Variants in MACROD2 observed in about 807,000 individuals in gnomAD.
MACROD2 encodes ADP-ribose glycohydrolase MACROD2.
MACROD2 carries 36 observed loss-of-function variants against 70.4 expected under a neutral mutation model. The ratio of observed to expected loss-of-function variants is 0.51; its 90% CI spans 0.39 to 0.68. The LOEUF is 0.68. Among genes scored for constraint, MACROD2 ranks in the 30% least tolerant of loss-of-function variants. The pLI is 0.00. For missense variants in MACROD2, 496 were observed against 538.4 expected (o/e 0.92, Z 0.78); for synonymous variants, 172 against 178.8 (o/e 0.96, Z 0.30).
chr20:14,130,921 G>GTTTTTTTTTTTTTTTTTTTTT (rs201745680), intron 3 of MACROD2, among the ~76,000 whole-genome samples: 2 of 118,476 alleles, frequency 1.7e-5, no homozygotes, highest in African/African-American at 3.9e-5. Context: ...AAATAATTGT[G>GTTTTTTTTTTTTTTTTTTTTT]TTTTTTTTGT....
rs563258240 is a variant in MACROD2 at position 15,377,153 on chromosome 20, G to A, written c.541-54252G>A. ...GATCCGCCCGCTTCGGCCTCCCAAAGTGCAGGGATTACAGGCATAAGCCAC... is the reference window on the plus strand; with the variant it reads ...GATCCGCCCGCTTCGGCCTCCCAAAATGCAGGGATTACAGGCATAAGCCAC... On this transcript the variant is annotated intron_variant, in intron 6 of 17. Coordinates refer to ENST00000684519, the MANE Select transcript of MACROD2 (RefSeq NM_001351661.2). Among the ~76,000 whole-genome samples, 6 of 152,242 alleles carry A rather than the reference G, an allele frequency of 3.9e-5. No individual in the cohort carries two copies. In the South Asian group the frequency reaches 1.2e-3, roughly 32 times the overall value.
rs77235020 is a variant in MACROD2 at position 14,834,412 on chromosome 20, G to A, written c.418+149453G>A. Reference sequence around the variant, plus strand: ...CCTTGTCATGAATCAGTTTAATCATGTAAAATATATTTGATGACTGCAATG... The same window carrying A: ...CCTTGTCATGAATCAGTTTAATCATATAAAATATATTTGATGACTGCAATG... On this transcript the variant is annotated intron_variant, in intron 5 of 17. Coordinates refer to ENST00000684519, the MANE Select transcript of MACROD2 (RefSeq NM_001351661.2). Among the ~76,000 whole-genome samples, 1,362 of 152,012 alleles carry A rather than the reference G, an allele frequency of 9.0e-3. 34 individuals carry two copies. Among genetic ancestry groups the A allele is most frequent in the African/African-American group, 0.031 (1,287 of 41,464 alleles).
At chr20:14,332,389 T>C (rs1263140261) in intron 3 of MACROD2, among the ~76,000 whole-genome samples, 2 of 152,138 alleles carry the variant, frequency 1.3e-5, no homozygotes, top group East Asian at 3.9e-4. Context: ...TACATGTTTA[T>C]GTGATTTCTT....
At chr20:15,237,095 T>A (rs995056198) in intron 6 of MACROD2, among the ~76,000 whole-genome samples, 6 of 152,154 alleles carry the variant, frequency 3.9e-5, no homozygotes, top group Admixed American at 1.3e-4. Flanking sequence ...GGGAAAACTG[T>A]CCCTCCTCCC....
chr20:14,844,111 G>A (rs2073114467), intron 5 of MACROD2, among the ~76,000 whole-genome samples: 1 of 152,016 alleles, frequency 6.6e-6, no homozygotes, highest in South Asian at 2.1e-4. Context: ...CTGATTATGA[G>A]TTTTTCTTGT....
chr20:15,819,413 T>A (rs2063914013), intron 8 of MACROD2, among the ~76,000 whole-genome samples: 1 of 142,382 alleles, frequency 7.0e-6, no homozygotes, highest in South Asian at 2.1e-4. Flanking sequence ...TTATATATAT[T>A]TATATAAATA....
intron 6 of MACROD2, among the ~76,000 whole-genome samples, chr20:15,335,577 T>G (rs866662821): frequency 6.6e-6 from 1 of 151,838 alleles, no homozygotes; most frequent in South Asian, 2.1e-4. Flanking sequence ...ACTAGGCATG[T>G]AAATATTATA....
chr20:14,418,361 T>C (rs2083834289), intron 3 of MACROD2, among the ~76,000 whole-genome samples: 1 of 152,208 alleles, frequency 6.6e-6, no homozygotes, highest in South Asian at 2.1e-4. Context: ...ACTGTCCTTA[T>C]TCCAGCTGTT....
At chr20:14,069,175 G>C (rs2053806962) in intron 2 of MACROD2, among the ~76,000 whole-genome samples, 1 of 152,236 alleles carries the variant, frequency 6.6e-6, no homozygotes, top group African/African-American at 2.4e-5. Context: ...TCAAACTCCT[G>C]ACTTCAAGTG....
chr20:14,876,506 A>G (rs2122447961), intron 5 of MACROD2, among the ~76,000 whole-genome samples: 1 of 152,188 alleles, frequency 6.6e-6, no homozygotes, highest in East Asian at 1.9e-4. Context: ...TTTAGTAGCA[A>G]TTGCTTTTGA....
intron 3 of MACROD2, among the ~76,000 whole-genome samples, chr20:14,254,136 G>A (rs570978117): frequency 6.8e-4 from 104 of 151,932 alleles, no homozygotes; most frequent in African/African-American, 2.2e-3. Flanking sequence ...TTTATGAAAC[G>A]AATTTATTTA....
intron 4 of MACROD2, among the ~76,000 whole-genome samples, chr20:14,622,186 C>G (rs1291631127): frequency 1.3e-5 from 2 of 151,956 alleles, no homozygotes; most frequent in Non-Finnish European, 2.9e-5. Flanking sequence ...ATTAGAAACT[C>G]AAATAATTTT....
intron 5 of MACROD2, among the ~76,000 whole-genome samples, chr20:15,178,205 C>G (rs1309971314): frequency 6.6e-6 from 1 of 152,158 alleles, no homozygotes; most frequent in Non-Finnish European, 1.5e-5. Flanking sequence ...CTTCAGGTCT[C>G]CAGTTCTTTC....
chr20:15,225,247 G>T (rs1481377219), intron 5 of MACROD2, among the ~76,000 whole-genome samples: 1 of 151,998 alleles, frequency 6.6e-6, no homozygotes, highest in African/African-American at 2.4e-5. Flanking sequence ...TTCTTTAAGA[G>T]TATTTTTATA....
At chr20:15,528,723 G>T in intron 8 of MACROD2, among the ~76,000 whole-genome samples, 1 of 136,226 alleles carries the variant, frequency 7.3e-6, no homozygotes, top group African/African-American at 3.2e-5. Flanking sequence ...GCAGTTATGT[G>T]GTTTTTTTTT....
chr20:14,555,009 A>T (rs1326317056), intron 4 of MACROD2, among the ~76,000 whole-genome samples: 6 of 117,442 alleles, frequency 5.1e-5, no homozygotes, highest in South Asian at 4.6e-4. Flanking sequence ...TTAGTGGTAT[A>T]AAAAAAAACA....
chr20:14,852,741 A>G (rs1262722160), intron 5 of MACROD2, among the ~76,000 whole-genome samples: 2 of 152,162 alleles, frequency 1.3e-5, no homozygotes, highest in Non-Finnish European at 2.9e-5. Flanking sequence ...TCCAGTTGGA[A>G]GCAAATTTTT....
At chr20:14,085,384 C>T (rs1026342168) in intron 2 of MACROD2, among the ~76,000 whole-genome samples, 4 of 151,608 alleles carry the variant, frequency 2.6e-5, no homozygotes, top group Non-Finnish European at 5.9e-5. Context: ...TCTTGTTGAC[C>T]AATATAACAT....
chr20:14,148,678 T>C (rs2054972446), intron 3 of MACROD2, among the ~76,000 whole-genome samples: 3 of 152,226 alleles, frequency 2.0e-5, no homozygotes, highest in Admixed American at 2.0e-4. Context: ...AGGGTGTTCA[T>C]GTAAGCAGAG....
Sources: allele counts gnomAD v4.1 joint callset (sites outside exome capture counted in the v4.1 genomes callset), GRCh38; gene constraint gnomAD v4.1.1; transcripts MANE v1.5; gene names NCBI Gene and HGNC (gene_info 2026-07-23, HGNC 2026-07-21).